YES1: variants seen among roughly 807,000 people sequenced by gnomAD.
The protein encoded by YES1 is YES proto-oncogene 1, Src family tyrosine kinase.
Under a neutral mutation model 70.4 loss-of-function variants are expected in YES1, and 39 were observed. The observed-to-expected ratio is 0.55, with a 90% confidence interval of 0.43 to 0.72. YES1 has a LOEUF of 0.72. Ranked by LOEUF, YES1 falls within the 30% of genes least tolerant of loss-of-function variation. YES1 has a pLI of 0.00. For synonymous variants in YES1, 198 were observed against 218.6 expected (o/e 0.91, Z 0.83); for missense variants, 495 against 644.8 (o/e 0.77, Z 2.52).
At chr18:774,252 C>T (rs372505188) in intron 1 of YES1, among the ~76,000 whole-genome samples, 4 of 152,114 alleles carry the variant, frequency 2.6e-5, no homozygotes, top group African/African-American at 9.7e-5. Context: ...GGACTGTTGC[C>T]GAAAAGACTT....
intron 8 of YES1, among the ~76,000 whole-genome samples, chr18:741,267 C>T (rs1375821432): frequency 2.0e-5 from 3 of 148,460 alleles, no homozygotes; most frequent in South Asian, 2.1e-4. Flanking sequence ...TTTTTTGAGA[C>T]AGTCTCATTT....
chr18:750,231 C>A (rs2080327823), intron 3 of YES1, among the ~76,000 whole-genome samples: 1 of 152,174 alleles, frequency 6.6e-6, no homozygotes. Context: ...TTCAGATACA[C>A]AAACCAAAAA....
At chr18:790,240 G>A (rs1327938043) in intron 1 of YES1, among the ~76,000 whole-genome samples, 1 of 152,102 alleles carries the variant, frequency 6.6e-6, no homozygotes, top group Non-Finnish European at 1.5e-5. Context: ...GCCAGGCGTG[G>A]TGGCATGTGC....
intron 1 of YES1, among the ~76,000 whole-genome samples, chr18:796,474 GAAAC>G (rs1373496347): frequency 6.6e-6 from 1 of 152,128 alleles, no homozygotes; most frequent in Non-Finnish European, 1.5e-5. Context: ...TATTGGCATA[GAAAC>G]AAACAATTAG....
At chr18:771,278 ACTC>A (rs1905143868) in intron 1 of YES1, among the ~76,000 whole-genome samples, 3 of 152,056 alleles carry the variant, frequency 2.0e-5, no homozygotes, top group African/African-American at 4.8e-5. Flanking sequence ...GAGGCATGAG[ACTC>A]ATTTGAACCT....
intron 1 of YES1, among the ~76,000 whole-genome samples, chr18:799,209 T>C (rs1906695798): frequency 6.6e-6 from 1 of 152,232 alleles, no homozygotes; most frequent in South Asian, 2.1e-4. Context: ...GTAACTACCA[T>C]ACTTTTCATC....
intron 1 of YES1, among the ~76,000 whole-genome samples, chr18:784,246 T>C (rs1905825294): frequency 1.3e-5 from 2 of 152,214 alleles, no homozygotes; most frequent in Admixed American, 1.3e-4. Context: ...AAAATATAAA[T>C]AATAAAGATG....
At chr18:770,364 C>A (rs933332967) in intron 1 of YES1, among the ~76,000 whole-genome samples, 3 of 151,420 alleles carry the variant, frequency 2.0e-5, no homozygotes, top group African/African-American at 7.3e-5. Context: ...CTAGTAAAAC[C>A]TCAAATGCTT....
intron 1 of YES1, among the ~76,000 whole-genome samples, chr18:776,834 T>C (rs1292910486): frequency 5.9e-5 from 9 of 152,124 alleles, no homozygotes; most frequent in African/African-American, 2.2e-4. Context: ...TCTGTAACAC[T>C]CCCTTGGATA....
intron 1 of YES1, among the ~76,000 whole-genome samples, chr18:786,785 A>G (rs1432368653): frequency 6.6e-6 from 1 of 152,150 alleles, no homozygotes; most frequent in African/African-American, 2.4e-5. Flanking sequence ...TCTCTACCAT[A>G]AAGTCAAATA....
intron 1 of YES1, among the ~76,000 whole-genome samples, chr18:785,598 G>A (rs982999692): frequency 4.6e-5 from 7 of 152,146 alleles, no homozygotes; most frequent in African/African-American, 1.2e-4. Flanking sequence ...CAAAGTTCAC[G>A]TGTTGGAAGC....
rs1480414466 is a variant in YES1 at position 812,170 on chromosome 18, G to A, written c.-65C>T. 3 of 152,680 alleles carry A rather than the reference G, an allele frequency of 2.0e-5. No individual in the cohort carries two copies. The highest frequency in any genetic ancestry group is 1.3e-4 in the Admixed American group (2 of 15,276). 9.5% of individuals were successfully genotyped at this position (152,680 alleles called of 1,614,324 possible). A position where few individuals can be genotyped will look rare whatever the true frequency, so the allele number is the denominator to read the frequency against. On this transcript the variant is annotated 5_prime_UTR_variant, in exon 1 of 12. Transcript: ENST00000314574. Reference sequence around the variant, plus strand: ...GCTACCGCAGCTCGAGGTGGCGGAGGGCGGAGGCGAGGCCCGCGGGCCCTC... The same window carrying A: ...GCTACCGCAGCTCGAGGTGGCGGAGAGCGGAGGCGAGGCCCGCGGGCCCTC...
intron 6 of YES1, among the ~76,000 whole-genome samples, chr18:744,957 A>C (rs1297054193): frequency 2.6e-5 from 4 of 152,110 alleles, no homozygotes; most frequent in African/African-American, 9.7e-5. Context: ...TCTCACTAAA[A>C]TAACCACATA....
At position 744,856 on chromosome 18, in the gene YES1, A is replaced by AAGTC. The variant is rs1473574165; in HGVS notation, c.724+848_724+851dup. Among the ~76,000 whole-genome samples the AAGTC allele has an allele frequency of 2.0e-5, 3 of 152,094 alleles. No individual in the cohort carries two copies. In the East Asian group the frequency reaches 5.8e-4, roughly 29 times the overall value. The stretch of plus-strand genomic sequence containing the variant: ...GATTTTTTTAAATAAGGGAGACACA[A>AAGTC]AGTCAGGGAACCCTAGATTCATAAC... On this transcript the variant is annotated intron_variant, in intron 6 of 11. Coordinates refer to ENST00000314574, the MANE Select transcript of YES1 (RefSeq NM_005433.4).
intron 1 of YES1, among the ~76,000 whole-genome samples, chr18:791,773 C>T (rs1282595846): frequency 6.6e-6 from 1 of 151,982 alleles, no homozygotes. Context: ...GTGTGTACTG[C>T]ACCAGGCGTG....
At chr18:757,502 CA>C (rs747227284) in intron 1 of YES1, among the ~76,000 whole-genome samples, 244 of 91,162 alleles carry the variant, frequency 2.7e-3, no homozygotes, top group African/African-American at 2.4e-3. Context: ...GACTCCGTCT[CA>C]AAAAAAAAAA....
At chr18:757,405 A>C (rs562302266) in intron 1 of YES1, among the ~76,000 whole-genome samples, 11 of 151,612 alleles carry the variant, frequency 7.3e-5, no homozygotes, top group African/African-American at 2.4e-4. Flanking sequence ...CGGGAGGCTG[A>C]GGCAGGAGAA....
At chr18:749,651 C>T (rs976301491) in intron 3 of YES1, among the ~76,000 whole-genome samples, 2 of 151,748 alleles carry the variant, frequency 1.3e-5, no homozygotes, top group Non-Finnish European at 2.9e-5. Context: ...GTCAGGAGAT[C>T]GAGACCATCC....
intron 6 of YES1, among the ~76,000 whole-genome samples, chr18:744,194 C>T (rs1439685636): frequency 2.6e-5 from 4 of 151,676 alleles, no homozygotes; most frequent in South Asian, 4.2e-4. Flanking sequence ...CCCCTAAGGC[C>T]CTGCAGTTAG....
Sources: allele counts gnomAD v4.1 joint callset (sites outside exome capture counted in the v4.1 genomes callset), GRCh38; gene constraint gnomAD v4.1.1; transcripts MANE v1.5; gene names NCBI Gene and HGNC (gene_info 2026-07-23, HGNC 2026-07-21).